SMYD5: variants seen among roughly 807,000 people sequenced by gnomAD.
SMYD5 encodes SMYD family member 5.
SMYD5 carries 35 observed loss-of-function variants against 57.4 expected under a neutral mutation model. The ratio of observed to expected loss-of-function variants is 0.61; its 90% CI spans 0.47 to 0.81. The LOEUF (loss-of-function observed/expected upper bound fraction) is 0.81, where lower values mean the gene tolerates loss of function less well. Ranked by LOEUF, SMYD5 falls within the 30% of genes least tolerant of loss-of-function variation. SMYD5 has a pLI of 0.00. For synonymous variants in SMYD5, 198 were observed against 189.7 expected (o/e 1.04, Z -0.36); for missense variants, 471 against 527.9 (o/e 0.89, Z 1.06).
chr2:73,224,555 C>T (rs144430666), intron 10 of SMYD5, among the ~76,000 whole-genome samples: 1 of 152,290 alleles, frequency 6.6e-6, no homozygotes, highest in East Asian at 1.9e-4. Flanking sequence ...GCAGGCAGAA[C>T]TGAGTTAAGT....
In SMYD5 at chr2:73,220,051, C is replaced by A; in HGVS notation, c.206C>A (p.Ala69Asp). ...FLWNALYRYR[A>D]CDHCLRALEK... ...TGTTGTGTCTGGCTCTCACCGTCAG[C>A]CTGTGACCACTGCCTTAGGGCACTA... is the stretch of plus-strand genomic sequence containing the variant. Residue 69 changes from alanine (A) to aspartate (D), a missense_variant and splice_region_variant, in exon 3 of 13, where the codon GCC becomes GAC. Ala to Asp is a moderately radical substitution (Grantham distance 126). Coordinates refer to ENST00000389501, the MANE Select transcript of SMYD5 (RefSeq NM_006062.3). The A allele has an allele frequency of 6.2e-7, 1 of 1,614,200 alleles. No individual in the cohort carries two copies.
In SMYD5 at chr2:73,221,166, A is replaced by G. The variant is rs1174374871; in HGVS notation, c.469A>G (p.Ser157Gly). Residue 157 changes from serine (S) to glycine (G), a missense_variant and splice_region_variant, in exon 5 of 13, where the codon AGT becomes GGT. Physicochemically the swap from Ser to Gly is moderately conservative, Grantham distance 56 (BLOSUM62 0). Coordinates refer to ENST00000389501, the MANE Select transcript of SMYD5 (RefSeq NM_006062.3). ...CCAATCTTTTTTCTCTTTCCCCAGG[A>G]GTATTCACTACCCACCTGAGACTGC... The part of the protein sequence containing the change: ...PLNKLQEAWR[S>G]IHYPPETASI... 6.2e-7 allele frequency: 1 copy of G among 1,613,664 alleles called. No homozygotes were observed. Among genetic ancestry groups the G allele is most frequent in the Non-Finnish European group, 8.5e-7 (1 of 1,179,628 alleles).
At chr2:73,221,746 T>A (rs1686400354) in intron 5 of SMYD5, 80 bp from the exon 6 acceptor site, 3 of 928,650 alleles carry the variant, frequency 3.2e-6, no homozygotes, top group Non-Finnish European at 5.4e-6. Context: ...AGTTCCTGTG[T>A]AGTGGTATTT....
chr2:73,225,582 G>A (rs1289914410), intron 11 of SMYD5, 49 bp from the exon 12 acceptor site: 1 of 1,552,892 alleles, frequency 6.4e-7, no homozygotes, highest in South Asian at 1.1e-5. Flanking sequence ...AGGTCCTTAT[G>A]CCATTTAAAA....
At chr2:73,221,277 A>G (rs1177355043) in intron 5 of SMYD5, 43 bp downstream of exon 5, 3 of 1,519,008 alleles carry the variant, frequency 2.0e-6, no homozygotes, top group Non-Finnish European at 2.7e-6. Flanking sequence ...CTTTGGCCCC[A>G]TTCAACCCTT....
rs1258202238 is a variant in SMYD5, at chr2:73,223,415, G to C, written c.777-11G>C. On this transcript the variant is annotated splice_polypyrimidine_tract_variant and intron_variant, in intron 8 of 12. Coordinates refer to ENST00000389501, the MANE Select transcript of SMYD5 (RefSeq NM_006062.3). ...TGCCTCCCCAACCATGGGCTGCCTGGGACCCCCCAGCTCCCTAAGCCAGTG... is the reference window on the plus strand; with the variant it reads ...TGCCTCCCCAACCATGGGCTGCCTGCGACCCCCCAGCTCCCTAAGCCAGTG... 1 of 1,601,168 alleles carries C rather than the reference G, an allele frequency of 6.2e-7. No homozygotes were observed. The highest frequency in any genetic ancestry group is 8.6e-7 in the Non-Finnish European group (1 of 1,168,326).
intron 2 of SMYD5, 47 bp from the exon 3 acceptor site, chr2:73,220,004 G>GTGGC: frequency 6.2e-7 from 1 of 1,613,364 alleles, no homozygotes; most frequent in Admixed American, 1.7e-5. Flanking sequence ...AGGGATAGAT[G>GTGGC]TGGCCTCTGC....
At chr2:73,219,526 C>T (rs1686347402) in intron 2 of SMYD5, among the ~76,000 whole-genome samples, 1 of 152,168 alleles carries the variant, frequency 6.6e-6, no homozygotes, top group Non-Finnish European at 1.5e-5. Flanking sequence ...GGATTACAGG[C>T]ACACACAACC....
At chr2:73,214,447 GAGGCT>G in intron 1 of SMYD5, 85 bp downstream of exon 1, 2 of 1,602,118 alleles carry the variant, frequency 1.2e-6, no homozygotes, top group Non-Finnish European at 1.7e-6. Context: ...CCGGAGCCCA[GAGGCT>G]TCTGTGCCGC....
At chr2:73,221,794 C>T (rs1161386235) in intron 5 of SMYD5, 32 bp from the exon 6 acceptor site, 3 of 1,495,396 alleles carry the variant, frequency 2.0e-6, no homozygotes, top group South Asian at 1.1e-5. Context: ...AGGTGGGTAT[C>T]TGTGACCCTT....
At position 73,220,178 on chromosome 2, in the gene SMYD5, T is replaced by A. The variant is rs1686357183; in HGVS notation, c.333T>A (p.Cys111Ter). Residue 111 changes from cysteine to a stop codon, truncating the protein, a stop_gained, in exon 3 of 13, where the codon TGT (cysteine) becomes TGA (stop). Transcript: ENST00000389501. LOFTEE classifies it high-confidence loss of function. ...CTVRKDLHQN[C>*]PHCQVMYCSA... Reference sequence around the variant, plus strand: ...TGCGCAAAGACCTCCACCAGAACTGTCCCCATTGCCAAGTGAGTATTCTTG... The same window carrying A: ...TGCGCAAAGACCTCCACCAGAACTGACCCCATTGCCAAGTGAGTATTCTTG... 2 of 1,613,906 alleles carry A rather than the reference T, an allele frequency of 1.2e-6. No individual in the cohort carries two copies. Among genetic ancestry groups the A allele is most frequent in the African/African-American group, 2.7e-5 (2 of 74,900 alleles).
At chr2:73,217,876 A>G (rs931201612) in intron 1 of SMYD5, among the ~76,000 whole-genome samples, 2 of 152,168 alleles carry the variant, frequency 1.3e-5, no homozygotes, top group Non-Finnish European at 1.5e-5. Context: ...CCATCTGCTG[A>G]GTCCTTTTGC....
Position 73,218,845 on chromosome 2 carries a change from C to T in SMYD5, c.97-16C>T. The T allele has an allele frequency of 6.3e-7, 1 of 1,592,070 alleles. No homozygotes were observed. Among genetic ancestry groups the T allele is most frequent in the Non-Finnish European group, 8.6e-7 (1 of 1,159,866 alleles). ...CTGTTCCTTTTTATGGCCATCCTAT[C>T]CCTCTGCCCTCTCAGGGAAAGGGGC... On this transcript the variant is annotated splice_polypyrimidine_tract_variant and intron_variant, in intron 1 of 12. Coordinates refer to ENST00000389501, the MANE Select transcript of SMYD5 (RefSeq NM_006062.3).
Position 73,226,060 on chromosome 2 carries a change from C to A in SMYD5, c.*114C>A. On this transcript the variant is annotated 3_prime_UTR_variant, in exon 13 of 13. Transcript: ENST00000389501. ...ACTCCCATTGCCTGCTTTCCCCATT[C>A]CAGCCCTCTCTGCTAGAGGGTAGGA... 3 of 1,380,860 alleles carry A rather than the reference C, an allele frequency of 2.2e-6. No homozygotes were observed. The highest frequency in any genetic ancestry group is 2.9e-6 in the Non-Finnish European group (3 of 1,032,638). The allele number at this position is 1,380,860 out of a possible 1,614,324, so 85.5% of individuals were successfully genotyped here. A position where few individuals can be genotyped will look rare whatever the true frequency, so the allele number is the denominator to read the frequency against.
At chr2:73,224,740 T>C in intron 10 of SMYD5, 126 bp from the exon 11 acceptor site, 2 of 689,362 alleles carry the variant, frequency 2.9e-6, no homozygotes, top group Non-Finnish European at 5.0e-6. Context: ...GTCCAGAAAC[T>C]TGGGTTCCAA....
intron 4 of SMYD5, 60 bp downstream of exon 4, chr2:73,220,842 C>T (rs1686373818): frequency 6.3e-7 from 1 of 1,581,056 alleles, no homozygotes; most frequent in Non-Finnish European, 8.6e-7. Flanking sequence ...CCTGCCTGGG[C>T]TCATCAGGTG....
At chr2:73,223,184 C>A in intron 8 of SMYD5, 78 bp downstream of exon 8, 1 of 1,218,306 alleles carries the variant, frequency 8.2e-7, no homozygotes, top group Non-Finnish European at 1.2e-6. Context: ...CCTTTCAAGA[C>A]TGGGATGGGG....
At chr2:73,217,207 C>T (rs1686308009) in intron 1 of SMYD5, among the ~76,000 whole-genome samples, 2 of 152,234 alleles carry the variant, frequency 1.3e-5, no homozygotes, top group Non-Finnish European at 2.9e-5. Context: ...GCCTTAGCCT[C>T]CCAAAGTGCT....
chr2:73,226,196 C>A lies in SMYD5; in HGVS notation c.*250C>A. The A allele has an allele frequency of 1.9e-6, 1 of 534,180 alleles. No individual in the cohort carries two copies. Among genetic ancestry groups the A allele is most frequent in the Admixed American group, 3.4e-5 (1 of 29,122 alleles). The allele number at this position is 534,180 out of a possible 1,614,324, so 33.1% of individuals were successfully genotyped here. ...CTGAGCCTTTCACAACTGGCCTCCC[C>A]TTGAGGTTCCTCCACTCTAGGGTTT... On this transcript the variant is annotated 3_prime_UTR_variant, in exon 13 of 13. Coordinates refer to ENST00000389501, the MANE Select transcript of SMYD5 (RefSeq NM_006062.3).
Sources: allele counts gnomAD v4.1 joint callset (sites outside exome capture counted in the v4.1 genomes callset), GRCh38; gene constraint gnomAD v4.1.1; transcripts MANE v1.5; gene names NCBI Gene and HGNC (gene_info 2026-07-23, HGNC 2026-07-21).